Variants in LSAMP observed in about 807,000 individuals in gnomAD.
LSAMP encodes limbic system associated membrane protein.
LSAMP carries 7 observed loss-of-function variants against 38.6 expected under a neutral mutation model. That is an observed-to-expected ratio of 0.18 (90% CI 0.10 to 0.34). The LOEUF is 0.34. LSAMP is among the 10% of genes least tolerant of loss of function. The pLI, the probability that LSAMP is intolerant of heterozygous loss-of-function variation, is 1.00. For synonymous variants in LSAMP, 154 were observed against 166.8 expected, an observed-to-expected ratio of 0.92 and a Z score of 0.59; for missense variants, 313 against 420.0, an observed-to-expected ratio of 0.75 and a Z score of 2.23.
At chr3:116,047,679 G>C (rs1044875714) in intron 2 of LSAMP, among the ~76,000 whole-genome samples, 4 of 152,092 alleles carry the variant, frequency 2.6e-5, no homozygotes, top group Admixed American at 1.3e-4. Context: ...TAGGGAAAAA[G>C]CCATTTCCCC....
chr3:116,203,814 C>T lies in LSAMP; in HGVS notation c.156-117258G>A, dbSNP rs969131843. ...CCAGTCTATTATTGTTGGACATTTG[C>T]GTTGGTTCCAACTCTTTGCTATTGT... On this transcript the variant is annotated intron_variant, in intron 1 of 6. Transcript: ENST00000490035. Among the ~76,000 whole-genome samples, 6 of 152,068 alleles carry T rather than the reference C, an allele frequency of 3.9e-5. No individual in the cohort carries two copies. In the South Asian group the frequency reaches 8.3e-4, roughly 21 times the overall value.
chr3:116,293,950 T>C (rs897481240), intron 1 of LSAMP, among the ~76,000 whole-genome samples: 1 of 152,134 alleles, frequency 6.6e-6, no homozygotes, highest in Admixed American at 6.5e-5. Context: ...GTATATACTA[T>C]ATACTACATG....
chr3:115,898,146 T>A (rs1936775529), intron 3 of LSAMP, among the ~76,000 whole-genome samples: 1 of 152,110 alleles, frequency 6.6e-6, no homozygotes, highest in South Asian at 2.1e-4. Context: ...GTGTTAAGGG[T>A]TTAGTGTTTC....
intron 2 of LSAMP, among the ~76,000 whole-genome samples, chr3:116,030,923 A>T (rs1015947449): frequency 2.6e-5 from 4 of 152,142 alleles, no homozygotes; most frequent in Non-Finnish European, 5.9e-5. Context: ...TAGCCCTAAA[A>T]CATGACATAT....
chr3:115,974,764 T>C (rs945083616), intron 3 of LSAMP, among the ~76,000 whole-genome samples: 3 of 152,156 alleles, frequency 2.0e-5, no homozygotes, highest in Admixed American at 1.3e-4. Flanking sequence ...GTAATAGATA[T>C]TAACAGTGTG....
At chr3:116,191,306 G>C (rs531058296) in intron 1 of LSAMP, among the ~76,000 whole-genome samples, 1 of 152,130 alleles carries the variant, frequency 6.6e-6, no homozygotes, top group Non-Finnish European at 1.5e-5. Context: ...TGGGGTGAGG[G>C]TCAGGAATCT....
intron 6 of LSAMP, among the ~76,000 whole-genome samples, chr3:115,837,357 C>T (rs994775161): frequency 1.3e-5 from 2 of 151,482 alleles, no homozygotes; most frequent in African/African-American, 2.4e-5. Context: ...ATAATCCACA[C>T]ATTTTTCTAA....
At chr3:115,864,476 G>T (rs896643447) in intron 3 of LSAMP, among the ~76,000 whole-genome samples, 2 of 152,090 alleles carry the variant, frequency 1.3e-5, no homozygotes, top group African/African-American at 4.8e-5. Context: ...CTGTGCTTTG[G>T]TATTATCCCT....
At chr3:116,309,200 T>C (rs74694402) in intron 1 of LSAMP, among the ~76,000 whole-genome samples, 4,383 of 152,182 alleles carry the variant, frequency 0.029, 204 homozygotes, top group African/African-American at 0.096. Context: ...ATAATTCCTA[T>C]TTAGTTGACA....
chr3:115,989,184 G>A (rs1235527102), intron 3 of LSAMP, among the ~76,000 whole-genome samples: 3 of 152,100 alleles, frequency 2.0e-5, no homozygotes, highest in Admixed American at 2.0e-4. Context: ...AAAGTGAATA[G>A]CTTACGTCCT....
chr3:115,875,138 C>T (rs1936148570), intron 3 of LSAMP, among the ~76,000 whole-genome samples: 1 of 152,040 alleles, frequency 6.6e-6, no homozygotes, highest in African/African-American at 2.4e-5. Context: ...CTTTCAATCC[C>T]AATCACAAAT....
intron 1 of LSAMP, among the ~76,000 whole-genome samples, chr3:116,443,329 G>C (rs1247410103): frequency 6.6e-6 from 1 of 152,218 alleles, no homozygotes; most frequent in African/African-American, 2.4e-5. Flanking sequence ...TAAGGCTGAA[G>C]AGCTAGAAGG....
chr3:115,854,026 G>A (rs1383051362), intron 3 of LSAMP, among the ~76,000 whole-genome samples: 1 of 151,872 alleles, frequency 6.6e-6, no homozygotes, highest in Admixed American at 6.6e-5. Context: ...AGAACATGGG[G>A]CTTCTTTGCT....
At chr3:116,393,807 T>A (rs565251909) in intron 1 of LSAMP, among the ~76,000 whole-genome samples, 1 of 152,372 alleles carries the variant, frequency 6.6e-6, no homozygotes, top group South Asian at 2.1e-4. Context: ...AAATATAATG[T>A]TGTGATGAAC....
At chr3:116,270,902 G>T (rs2046963090) in intron 1 of LSAMP, among the ~76,000 whole-genome samples, 1 of 152,132 alleles carries the variant, frequency 6.6e-6, no homozygotes, top group Admixed American at 6.5e-5. Context: ...TTAGTCACTA[G>T]CTCTGAGATC....
chr3:116,275,215 G>T (rs540331154), intron 1 of LSAMP, among the ~76,000 whole-genome samples: 4 of 151,834 alleles, frequency 2.6e-5, no homozygotes, highest in African/African-American at 9.7e-5. Flanking sequence ...ATCATGCCTG[G>T]CTAATTAAAA....
At chr3:115,997,749 T>TATATATATAC (rs1553757624) in intron 3 of LSAMP, among the ~76,000 whole-genome samples, 1 of 131,876 alleles carries the variant, frequency 7.6e-6, no homozygotes, top group African/African-American at 3.0e-5. Flanking sequence ...TATATATATA[T>TATATATATAC]ATATACACAC....
intron 1 of LSAMP, among the ~76,000 whole-genome samples, chr3:116,313,702 C>T (rs901246636): frequency 2.6e-5 from 4 of 152,186 alleles, no homozygotes; most frequent in African/African-American, 9.7e-5. Flanking sequence ...ACCTATCATC[C>T]CAGTACTTTG....
intron 1 of LSAMP, among the ~76,000 whole-genome samples, chr3:116,257,585 A>C (rs1344921453): frequency 4.6e-5 from 7 of 152,056 alleles, no homozygotes; most frequent in African/African-American, 1.7e-4. Context: ...TTTTTTCTGA[A>C]TATTTGCTGC....
Sources: allele counts gnomAD v4.1 joint callset (sites outside exome capture counted in the v4.1 genomes callset), GRCh38; gene constraint gnomAD v4.1.1; transcripts MANE v1.5; gene names NCBI Gene and HGNC (gene_info 2026-07-23, HGNC 2026-07-21).